TENM2: variants seen among roughly 807,000 people sequenced by gnomAD.
TENM2 encodes teneurin transmembrane protein 2, also known as teneurin-2.
TENM2 carries 52 observed loss-of-function variants against 245.2 expected under a neutral mutation model. The ratio of observed to expected loss-of-function variants is 0.21; its 90% confidence interval spans 0.17 to 0.27. TENM2 has a LOEUF of 0.27. TENM2 is among the 10% of genes least tolerant of loss of function. The pLI, the probability that TENM2 is intolerant of heterozygous loss-of-function variation, is 1.00. For missense variants in TENM2, 3,046 were observed against 3,666.8 expected, an observed-to-expected ratio of 0.83 and a Z score of 4.37; for synonymous variants, 1,363 against 1,438.9, an observed-to-expected ratio of 0.95 and a Z score of 1.19.
the TENM2 span, among the ~76,000 whole-genome samples, chr5:167,147,447 T>C: frequency 6.6e-6 from 1 of 152,142 alleles, no homozygotes; most frequent in Non-Finnish European, 1.5e-5. Flanking sequence ...CTGAATGTCT[T>C]TTTTATTCAA....
chr5:167,768,040 T>C (rs1306130056), intron 2 of TENM2, among the ~76,000 whole-genome samples: 2 of 152,228 alleles, frequency 1.3e-5, no homozygotes, highest in African/African-American at 2.4e-5. Flanking sequence ...ATAACTAGCA[T>C]GTGGCTAGAG....
intron 9 of TENM2, among the ~76,000 whole-genome samples, chr5:168,098,677 T>C (rs760797566): frequency 7.9e-5 from 12 of 152,184 alleles, no homozygotes; most frequent in South Asian, 2.1e-4. Flanking sequence ...ATTTAGAGGC[T>C]GCACACCTTG....
At chr5:167,672,240 ATGTC>A (rs964030350) in intron 2 of TENM2, among the ~76,000 whole-genome samples, 3 of 152,072 alleles carry the variant, frequency 2.0e-5, no homozygotes, top group Non-Finnish European at 2.9e-5. Flanking sequence ...AGTATCATAA[ATGTC>A]TGATTCATTT....
At chr5:168,122,230 G>A (rs568963504) in intron 10 of TENM2, among the ~76,000 whole-genome samples, 201 of 152,346 alleles carry the variant, frequency 1.3e-3, no homozygotes, top group Middle Eastern at 3.4e-3. Flanking sequence ...AGGCTGGGGT[G>A]CAGTGGCGCA....
chr5:168,108,976 T>C (rs1794464500), intron 9 of TENM2, among the ~76,000 whole-genome samples: 1 of 152,180 alleles, frequency 6.6e-6, no homozygotes, highest in African/African-American at 2.4e-5. Context: ...GGGTCTCAGC[T>C]GTCCTTCCTG....
the TENM2 span, chr5:167,165,114 G>A: frequency 8.2e-4 from 125 of 152,298 alleles, 1 homozygote; most frequent in African/African-American, 2.9e-3. Context: ...TCTCATAATG[G>A]AGAGTTGTAT....
intron 2 of TENM2, among the ~76,000 whole-genome samples, chr5:167,640,830 AATATATATATCCATATAT>A (rs1467354693): frequency 5.3e-4 from 54 of 101,290 alleles, no homozygotes; most frequent in African/African-American, 1.3e-3. Context: ...TAGAAATAGA[AATATATATATCCATATAT>A]ATATATATAT....
chr5:168,044,749 C>A (rs12188671), intron 5 of TENM2, among the ~76,000 whole-genome samples: 2 of 152,158 alleles, frequency 1.3e-5, no homozygotes, highest in African/African-American at 4.8e-5. Flanking sequence ...AGACTGATTT[C>A]TCAGCCCAAG....
the TENM2 span, among the ~76,000 whole-genome samples, chr5:167,107,141 A>G: frequency 1.9e-4 from 29 of 151,616 alleles, no homozygotes; most frequent in Non-Finnish European, 3.4e-4. Flanking sequence ...CATGCCTGTA[A>G]TCCCAGCTAA....
chr5:167,743,466 C>T (rs568321154), intron 2 of TENM2, among the ~76,000 whole-genome samples: 4 of 152,030 alleles, frequency 2.6e-5, no homozygotes, highest in Admixed American at 6.6e-5. Flanking sequence ...GGTAACTATT[C>T]GAACCGACAA....
intron 1 of TENM2, among the ~76,000 whole-genome samples, chr5:167,360,945 G>A (rs1480439966): frequency 6.6e-6 from 1 of 152,142 alleles, no homozygotes; most frequent in Non-Finnish European, 1.5e-5. Flanking sequence ...GGAACAAAGT[G>A]CGTGGGTTTC....
intron 10 of TENM2, among the ~76,000 whole-genome samples, chr5:168,123,548 AG>A (rs1795631531): frequency 1.3e-5 from 2 of 152,232 alleles, no homozygotes; most frequent in African/African-American, 4.8e-5. Flanking sequence ...ATACACAGGA[AG>A]GATTTAATAA....
At chr5:167,375,957 T>G (rs1760724451) in intron 2 of TENM2, among the ~76,000 whole-genome samples, 1 of 152,162 alleles carries the variant, frequency 6.6e-6, no homozygotes, top group Non-Finnish European at 1.5e-5. Flanking sequence ...GAACAGGTGC[T>G]CTGGAGCTTA....
intron 4 of TENM2, among the ~76,000 whole-genome samples, chr5:167,992,554 A>G (rs546143653): frequency 5.9e-5 from 9 of 152,310 alleles, no homozygotes; most frequent in African/African-American, 2.2e-4. Flanking sequence ...GAGTATACCT[A>G]TATAACAAAC....
intron 4 of TENM2, among the ~76,000 whole-genome samples, chr5:167,983,401 C>T (rs545459018): frequency 5.9e-5 from 9 of 152,172 alleles, no homozygotes; most frequent in Non-Finnish European, 8.8e-5. Context: ...ATTTAGAAAA[C>T]GGAAGGCAAT....
intron 2 of TENM2, among the ~76,000 whole-genome samples, chr5:167,682,351 TGGG>T (rs1756786915): frequency 6.6e-6 from 1 of 151,732 alleles, no homozygotes; most frequent in Non-Finnish European, 1.5e-5. Flanking sequence ...TTAATAGAGA[TGGG>T]GTTTCACTAT....
intron 5 of TENM2, chr5:168,032,995 A>G (rs1787273894): frequency 6.6e-6 from 1 of 152,260 alleles, no homozygotes; most frequent in Non-Finnish European, 1.5e-5. Context: ...ATCTTAACAC[A>G]TTAAGCTTTT....
chr5:167,894,896 G>A (rs1039819222), intron 3 of TENM2, among the ~76,000 whole-genome samples: 2 of 146,980 alleles, frequency 1.4e-5, no homozygotes, highest in Non-Finnish European at 1.5e-5. Flanking sequence ...AAGCTAAGAG[G>A]TTGCCTCTTC....
intron 5 of TENM2, among the ~76,000 whole-genome samples, chr5:168,012,679 G>A (rs1021393063): frequency 6.7e-6 from 1 of 148,902 alleles, no homozygotes; most frequent in African/African-American, 2.5e-5. Context: ...AAAACTGAAG[G>A]TGAGGGGGCA....
Sources: allele counts gnomAD v4.1 joint callset (sites outside exome capture counted in the v4.1 genomes callset), GRCh38; gene constraint gnomAD v4.1.1; transcripts MANE v1.5; gene names NCBI Gene and HGNC (gene_info 2026-07-23, HGNC 2026-07-21).